EARS2: variants seen among roughly 807,000 people sequenced by gnomAD.
EARS2 encodes the protein nondiscriminating glutamyl-tRNA synthetase EARS2, mitochondrial.
In EARS2, 50 loss-of-function variants were observed where a neutral mutation model predicts 54.1. That is an observed-to-expected ratio of 0.92 (90% CI 0.74 to 1.17). The LOEUF (loss-of-function observed/expected upper bound fraction) is 1.17. Ranked by LOEUF, EARS2 falls within the 50% of genes most tolerant of loss-of-function variation. The pLI is 0.00. For synonymous variants in EARS2, 298 were observed against 281.0 expected (o/e 1.06, Z -0.61); for missense variants, 673 against 675.0 (o/e 1.00, Z 0.03).
chr16:23,547,606 G>A (rs1965625515), intron 2 of EARS2, among the ~76,000 whole-genome samples: 2 of 152,074 alleles, frequency 1.3e-5, no homozygotes, highest in African/African-American at 2.4e-5. Context: ...CCCGGTTCAA[G>A]CAATTCTCCT....
rs747606113 is a variant in EARS2, at chr16:23,532,642, A to G, written c.1067+15T>C. ...AGCCCTTTGCCACCAGGGGATCTCC[A>G]TGCTCCCCACTCACCTGTTGAATTC... On this transcript the variant is annotated intron_variant, in intron 5 of 8. Transcript: ENST00000449606. 1.9e-6 allele frequency: 3 copies of G among 1,596,038 alleles called. No individual in the cohort carries two copies. In the South Asian group the frequency reaches 3.3e-5, roughly 18 times the overall value.
At chr16:23,551,860 C>T (rs903125918) in intron 2 of EARS2, among the ~76,000 whole-genome samples, 3 of 152,190 alleles carry the variant, frequency 2.0e-5, no homozygotes, top group African/African-American at 7.2e-5. Flanking sequence ...GCGGAGCTTG[C>T]AGTGAGCCGA....
chr16:23,536,184 G>A (rs1221196219), intron 3 of EARS2, among the ~76,000 whole-genome samples: 1 of 152,174 alleles, frequency 6.6e-6, no homozygotes, highest in East Asian at 1.9e-4. Context: ...ATCCATCTGT[G>A]AGTTAAAGTA....
At chr16:23,552,733 C>T (rs1597028113) in intron 1 of EARS2, among the ~76,000 whole-genome samples, 1 of 152,282 alleles carries the variant, frequency 6.6e-6, no homozygotes, top group East Asian at 1.9e-4. Flanking sequence ...TCAAGTGATC[C>T]CCCCAGCCTC....
rs866764542 is a variant in EARS2 at position 23,557,246 on chromosome 16, G to A, written c.98C>T (p.Ala33Val). 14 of 1,520,700 alleles carry A rather than the reference G, an allele frequency of 9.2e-6. No individual in the cohort carries two copies. The African/African-American group carries it at 1.5e-4, about 17-fold the overall frequency. 94.2% of individuals were successfully genotyped at this position (1,520,700 alleles called of 1,614,324 possible). A position where few individuals can be genotyped will look rare whatever the true frequency, so the allele number is the denominator to read the frequency against. ...GAACCGCACTCGCACCGCAACCCCG[G>A]CATCAGTGCCCAGGTTGGCCTCGCG... ...GRREANLGTD[A>V]GVAVRVRFAP... Residue 33 changes from alanine (A) to valine (V), a missense_variant, in exon 1 of 9, where the codon GCC becomes GTC. By Grantham distance (64) the Ala-to-Val change is moderately conservative (BLOSUM62 0). This residue lies in a region of EARS2 where 316 missense variants were observed against 275.2 expected (regional missense o/e 1.15). Coordinates refer to ENST00000449606, the MANE Select transcript of EARS2 (RefSeq NM_001083614.2).
Position 23,522,105 on chromosome 16 carries a change from C to A in EARS2, c.*2266G>T, listed in dbSNP as rs75781747. The A allele has an allele frequency of 1.1e-5, 3 of 274,782 alleles. No individual in the cohort carries two copies. Among genetic ancestry groups the A allele is most frequent in the African/African-American group, 2.2e-5 (1 of 45,866 alleles). The allele number at this position is 274,782 out of a possible 1,614,324, so 17.0% of individuals were successfully genotyped here. A position where few individuals can be genotyped will look rare whatever the true frequency, so the allele number is the denominator to read the frequency against. On this transcript the variant is annotated 3_prime_UTR_variant, in exon 9 of 9. Coordinates refer to ENST00000449606, the MANE Select transcript of EARS2 (RefSeq NM_001083614.2). ...TGGGAGAGGGTGAGGCTCATATAAG[C>A]GCACAATAAATTACAAGTATTATTA...
At chr16:23,535,612 G>C (rs1965404793) in intron 3 of EARS2, among the ~76,000 whole-genome samples, 2 of 152,184 alleles carry the variant, frequency 1.3e-5, no homozygotes, top group African/African-American at 2.4e-5. Context: ...AAAATGCTTA[G>C]TCCGAGGGGT....
chr16:23,544,861 CAG>C lies in EARS2; in HGVS notation c.296-160_296-159del, dbSNP rs1234755998. ...CTCCCCGCCGCCTTTTTTTTTGAGGCAGAGTCTTGCTCTGATGTCGCCAAGGC... is the reference window on the plus strand; with the variant it reads ...CTCCCCGCCGCCTTTTTTTTTGAGGCAGTCTTGCTCTGATGTCGCCAAGGC... On this transcript the variant is annotated intron_variant, in intron 2 of 8. Coordinates refer to ENST00000449606, the MANE Select transcript of EARS2 (RefSeq NM_001083614.2). 4 of 663,968 alleles carry C rather than the reference CAG, an allele frequency of 6.0e-6. No individual in the cohort carries two copies. The Admixed American group carries it at 9.5e-5, about 16-fold the overall frequency. The allele number at this position is 663,968 out of a possible 1,614,324, so 41.1% of individuals were successfully genotyped here.
chr16:23,543,107 T>A (rs1965541826), intron 3 of EARS2, among the ~76,000 whole-genome samples: 1 of 100,130 alleles, frequency 1.0e-5, no homozygotes, highest in South Asian at 3.7e-4. Context: ...AGAGCAAGAC[T>A]CTGTCTCACC....
In EARS2 at chr16:23,525,395, C is replaced by T. The variant is rs1396333670; in HGVS notation, c.1353-16G>A. 6.8e-6 allele frequency: 11 copies of T among 1,608,380 alleles called. No individual in the cohort carries two copies. Among genetic ancestry groups the T allele is most frequent in the African/African-American group, 1.3e-5 (1 of 74,664 alleles). ...TTCTAGAAGCCTAGAAGAAGAGGGC[C>T]AGTTTACAGGGCCTGCATGGGCCAA... On this transcript the variant is annotated splice_polypyrimidine_tract_variant and intron_variant, in intron 7 of 8. Transcript: ENST00000449606.
At chr16:23,541,323 T>C (rs1319800403) in intron 3 of EARS2, among the ~76,000 whole-genome samples, 3 of 152,056 alleles carry the variant, frequency 2.0e-5, no homozygotes, top group African/African-American at 7.2e-5. Context: ...CAAGACTCCA[T>C]TTCTAAAATA....
chr16:23,548,966 G>A (rs1428038468), intron 2 of EARS2, among the ~76,000 whole-genome samples: 4 of 152,140 alleles, frequency 2.6e-5, no homozygotes, highest in Admixed American at 1.3e-4. Context: ...GCAGTGGAGA[G>A]TTTCCCTTCT....
At chr16:23,555,486 T>G (rs1965761076) in intron 1 of EARS2, among the ~76,000 whole-genome samples, 1 of 151,698 alleles carries the variant, frequency 6.6e-6, no homozygotes, top group Admixed American at 6.6e-5. Context: ...AGCCAAACCC[T>G]GTCTCAAAAT....
intron 3 of EARS2, among the ~76,000 whole-genome samples, chr16:23,543,862 T>C (rs927830042): frequency 6.6e-6 from 1 of 152,202 alleles, no homozygotes; most frequent in African/African-American, 2.4e-5. Context: ...AAAACTTTGT[T>C]TCGTGCACAA....
At chr16:23,541,382 G>A (rs1965509032) in intron 3 of EARS2, among the ~76,000 whole-genome samples, 2 of 152,110 alleles carry the variant, frequency 1.3e-5, no homozygotes, top group African/African-American at 4.8e-5. Context: ...ATAAATGTTT[G>A]TTAAGACGAA....
In EARS2 at chr16:23,524,193, G is replaced by A. The variant is rs1282875475; in HGVS notation, c.*178C>T. 4.6e-6 allele frequency: 3 copies of A among 649,632 alleles called. No individual in the cohort carries two copies. In the East Asian group the frequency reaches 7.9e-5, roughly 17 times the overall value. 40.2% of individuals were successfully genotyped at this position (649,632 alleles called of 1,614,324 possible). ...ATGGGTTGGGCTTCCCCAGCCAATT[G>A]ACAAAAACGTGCCTGTGGTGGATCA... On this transcript the variant is annotated 3_prime_UTR_variant, in exon 9 of 9. Coordinates refer to ENST00000449606, the MANE Select transcript of EARS2 (RefSeq NM_001083614.2).
At position 23,529,491 on chromosome 16, in the gene EARS2, C is replaced by A. The variant is rs777055582; in HGVS notation, c.1352+11G>T. 15 of 1,611,866 alleles carry A rather than the reference C, an allele frequency of 9.3e-6. No individual in the cohort carries two copies. The African/African-American group carries it at 1.1e-4, about 11-fold the overall frequency. Reference sequence around the variant, plus strand: ...GGTGTGGAACCCTGAGCTCAGCCTGCGGGTACTCACCCCAGCACACGCTTG... The same window carrying A: ...GGTGTGGAACCCTGAGCTCAGCCTGAGGGTACTCACCCCAGCACACGCTTG... On this transcript the variant is annotated intron_variant, in intron 7 of 8. Coordinates refer to ENST00000449606, the MANE Select transcript of EARS2 (RefSeq NM_001083614.2).
chr16:23,549,341 C>CA (rs1965656455), intron 2 of EARS2, among the ~76,000 whole-genome samples: 1 of 152,196 alleles, frequency 6.6e-6, no homozygotes, highest in Non-Finnish European at 1.5e-5. Context: ...GTGGCACACC[C>CA]AGTCCAGCCA....
chr16:23,550,595 G>A (rs1051974411), intron 2 of EARS2, among the ~76,000 whole-genome samples: 5 of 151,896 alleles, frequency 3.3e-5, no homozygotes, highest in Non-Finnish European at 5.9e-5. Flanking sequence ...CCGCCACCAC[G>A]CCTGGCTAAT....
Sources: gnomAD v4.1 joint callset for allele counts (sites outside exome capture counted in the v4.1 genomes callset) on GRCh38, gnomAD v4.1.1 for gene constraint, gnomAD v4.1.1 regional missense constraint, MANE v1.5 for transcripts, NCBI Gene and HGNC (gene_info 2026-07-23, HGNC 2026-07-21) for gene names.